RNF128: variants seen among roughly 807,000 people sequenced by gnomAD.
The protein encoded by RNF128 is E3 ubiquitin-protein ligase RNF128.
Under a neutral mutation model 26.2 loss-of-function variants are expected in RNF128, and 13 were observed. The ratio of observed to expected loss-of-function variants is 0.50; its 90% CI spans 0.32 to 0.79. The LOEUF is 0.79. Ranked by LOEUF, RNF128 falls within the 30% of genes least tolerant of loss-of-function variation. The pLI is 0.03. For synonymous variants in RNF128, 149 were observed against 142.5 expected, an observed-to-expected ratio of 1.05 and a Z score of -0.32; for missense variants, 315 against 349.7, an observed-to-expected ratio of 0.90 and a Z score of 0.79.
At chrX:106,765,918 T>C (rs575950236) in intron 1 of RNF128, among the ~76,000 whole-genome samples, 7 of 98,205 alleles carry the variant, frequency 7.1e-5, no homozygotes, top group African/African-American at 2.6e-4. Context: ...CCACCCTGTG[T>C]CCAAGTGTTC....
chrX:106,746,189 C>T (rs1028545506), intron 1 of RNF128, among the ~76,000 whole-genome samples: 6 of 110,382 alleles, frequency 5.4e-5, no homozygotes, highest in African/African-American at 2.0e-4. Flanking sequence ...CCTTCAGTTG[C>T]CCTTATTATT....
intron 1 of RNF128, among the ~76,000 whole-genome samples, chrX:106,763,832 A>T (rs1416938489): frequency 1.8e-5 from 2 of 110,638 alleles, no homozygotes; most frequent in African/African-American, 6.6e-5. Context: ...TAATAGTTGG[A>T]CTGTATATAG....
intron 1 of RNF128, among the ~76,000 whole-genome samples, chrX:106,719,222 A>G (rs1470403521): frequency 4.3e-5 from 2 of 46,958 alleles, no homozygotes; most frequent in Non-Finnish European, 7.0e-5. Flanking sequence ...ATTACTGCCC[A>G]TGGGCATTTT....
intron 6 of RNF128, among the ~76,000 whole-genome samples, chrX:106,794,922 A>G (rs1044824824): frequency 8.1e-5 from 9 of 111,633 alleles, no homozygotes; most frequent in African/African-American, 2.6e-4. Context: ...ATTATAGAAT[A>G]TACATAAAAT....
upstream of RNF128, among the ~76,000 whole-genome samples, chrX:106,721,757 A>T (rs898665086): frequency 8.9e-6 from 1 of 111,985 alleles, no homozygotes; most frequent in Non-Finnish European, 1.9e-5. Flanking sequence ...AAAATAGTTA[A>T]GTCATTATCA....
chrX:106,749,157 T>C (rs1207542310), intron 1 of RNF128, among the ~76,000 whole-genome samples: 2 of 112,020 alleles, frequency 1.8e-5, no homozygotes, highest in East Asian at 2.8e-4. Flanking sequence ...GTTTTAAATA[T>C]TCCCTTCACT....
At chrX:106,764,047 C>G (rs1930170241) in intron 1 of RNF128, among the ~76,000 whole-genome samples, 1 of 109,179 alleles carries the variant, frequency 9.2e-6, no homozygotes, top group Admixed American at 9.7e-5. Context: ...ACTGCAAGCT[C>G]CACCTCCCGG....
intron 1 of RNF128, among the ~76,000 whole-genome samples, chrX:106,745,712 TGA>T (rs1342465493): frequency 8.9e-6 from 1 of 111,746 alleles, no homozygotes; most frequent in African/African-American, 3.2e-5. Flanking sequence ...AGAACTGCTA[TGA>T]AGGAATCAAG....
At chrX:106,734,910 C>G (rs1474613816) in intron 1 of RNF128, among the ~76,000 whole-genome samples, 2 of 111,866 alleles carry the variant, frequency 1.8e-5, no homozygotes, top group African/African-American at 6.5e-5. Context: ...CAGCTACATA[C>G]CGTAGGGAGT....
intron 2 of RNF128, among the ~76,000 whole-genome samples, chrX:106,774,138 G>T (rs1465259066): frequency 9.0e-6 from 1 of 111,007 alleles, no homozygotes; most frequent in Non-Finnish European, 1.9e-5. Context: ...TGTTTTCTTG[G>T]CCATTTACTC....
At chrX:106,722,712 T>C (rs1929334179), upstream of RNF128, among the ~76,000 whole-genome samples, 1 of 111,601 alleles carries the variant, frequency 9.0e-6, no homozygotes. Flanking sequence ...GAGACCAATA[T>C]ATAAGCCAGA....
chrX:106,724,218 C>T (rs1485644664), upstream of RNF128, among the ~76,000 whole-genome samples: 1 of 111,234 alleles, frequency 9.0e-6, no homozygotes, highest in Non-Finnish European at 1.9e-5. Context: ...AAACCAAGTC[C>T]TGTTGATTCT....
At chrX:106,788,468 TATA>T (rs1179996124) in intron 4 of RNF128, among the ~76,000 whole-genome samples, 1 of 51,224 alleles carries the variant, frequency 2.0e-5, no homozygotes, top group African/African-American at 8.1e-5. Flanking sequence ...ATAATATTAT[TATA>T]ATTGTAATTA....
At chrX:106,715,170 G>A (rs758069162) in intron 1 of RNF128, among the ~76,000 whole-genome samples, 7 of 111,961 alleles carry the variant, frequency 6.3e-5, no homozygotes, top group South Asian at 7.5e-4. Flanking sequence ...AAAAATGTAC[G>A]TATGATCCAG....
intron 1 of RNF128, among the ~76,000 whole-genome samples, chrX:106,759,044 G>A (rs976321283): frequency 9.0e-6 from 1 of 111,342 alleles, no homozygotes; most frequent in East Asian, 2.8e-4. Flanking sequence ...ATCTGACAAG[G>A]GATTAATAAC....
At chrX:106,763,927 T>TTTTGGTTTGGTTTGGTTTGG (rs749984429) in intron 1 of RNF128, among the ~76,000 whole-genome samples, 4,302 of 105,747 alleles carry the variant, frequency 0.041, 270 homozygotes, top group African/African-American at 0.14. Context: ...TATCCTTGTT[T>TTTTGGTTTGGTTTGGTTTGG]TTTGGTTTGG....
chrX:106,763,631 C>T (rs1009475686), intron 1 of RNF128, among the ~76,000 whole-genome samples: 20 of 111,429 alleles, frequency 1.8e-4, no homozygotes, highest in African/African-American at 6.5e-4. Context: ...CTCAGCCTCC[C>T]GAGTAGCTGG....
Position 106,795,649 on chromosome X carries a change from AC to A in RNF128, c.1226del (p.Pro409GlnfsTer41). 8.3e-7 allele frequency: 1 copy of A among 1,202,323 alleles called. No homozygotes were observed. The highest frequency in any genetic ancestry group is 1.1e-6 in the Non-Finnish European group (1 of 889,888). On this transcript the variant is annotated frameshift_variant, in exon 7 of 7. Coordinates refer to ENST00000255499, the MANE Select transcript of RNF128 (RefSeq NM_194463.2). LOFTEE classifies it high-confidence loss of function. The part of the protein sequence containing the change: ...VAVDVIPHVD[N>X]PTFEEDETPN... ...GTGGATGTTATTCCTCATGTTGACA[AC>A]CCAACCTTTGAAGAAGACGAAACTC...
At chrX:106,765,717 TG>T (rs1261346492) in intron 1 of RNF128, among the ~76,000 whole-genome samples, 35 of 111,645 alleles carry the variant, frequency 3.1e-4, no homozygotes, top group African/African-American at 1.0e-3. Context: ...TATATTTTGT[TG>T]GTTTTTTTAT....
Sources: gnomAD v4.1 joint callset for allele counts (sites outside exome capture counted in the v4.1 genomes callset) on GRCh38, gnomAD v4.1.1 for gene constraint, MANE v1.5 for transcripts, NCBI Gene and HGNC (gene_info 2026-07-23, HGNC 2026-07-21) for gene names.